The following SPRR2G variants were observed in gnomAD, a reference collection of about 807,000 sequenced individuals.
The protein encoded by SPRR2G is small proline rich protein 2G.
In SPRR2G, 1 loss-of-function variant was observed where a neutral mutation model predicts 0.7. The observed-to-expected ratio is 1.49, with a 90% CI of 0.53 to 7.06. The LOEUF is 7.06. SPRR2G is among the 30% of genes most tolerant of loss of function. SPRR2G has a pLI of 0.14. For synonymous variants in SPRR2G, 38 were observed against 33.9 expected (o/e 1.12, Z -0.42); for missense variants, 96 against 88.5 (o/e 1.09, Z -0.34).
chr1:153,156,989 C>T, the SPRR2G span, among the ~76,000 whole-genome samples: 1 of 152,128 alleles, frequency 6.6e-6, no homozygotes, highest in Non-Finnish European at 1.5e-5. Flanking sequence ...TACAGAGCTC[C>T]TCAATTTACA....
chr1:153,196,392 T>A, the SPRR2G span, among the ~76,000 whole-genome samples: 1 of 152,266 alleles, frequency 6.6e-6, no homozygotes, highest in East Asian at 1.9e-4. Context: ...AGGCAGAATT[T>A]CTTTCCTTTT....
the SPRR2G span, among the ~76,000 whole-genome samples, chr1:153,197,219 C>G: frequency 6.8e-6 from 1 of 148,042 alleles, no homozygotes. Context: ...CAAGATAAAC[C>G]CTAGCTGCAG....
chr1:153,160,064 T>A, the SPRR2G span, among the ~76,000 whole-genome samples: 5 of 152,230 alleles, frequency 3.3e-5, no homozygotes, highest in African/African-American at 4.8e-5. Context: ...ATTTTCTATT[T>A]CCTTCTACCC....
chr1:153,195,565 C>T, the SPRR2G span, among the ~76,000 whole-genome samples: 1 of 152,148 alleles, frequency 6.6e-6, no homozygotes, highest in Non-Finnish European at 1.5e-5. Context: ...CTGGGTTCCA[C>T]CATTTTGGGG....
the SPRR2G span, among the ~76,000 whole-genome samples, chr1:153,187,610 A>G: frequency 2.0e-5 from 3 of 151,992 alleles, no homozygotes; most frequent in African/African-American, 7.3e-5. Context: ...GTAGCCTTTT[A>G]TCAAGGTTCT....
the SPRR2G span, among the ~76,000 whole-genome samples, chr1:153,186,745 T>C: frequency 6.6e-6 from 1 of 152,238 alleles, no homozygotes; most frequent in African/African-American, 2.4e-5. Flanking sequence ...GTCATCATGA[T>C]GCTAGCTGGT....
At chr1:153,196,775 C>T in the SPRR2G span, among the ~76,000 whole-genome samples, 1 of 152,216 alleles carries the variant, frequency 6.6e-6, no homozygotes, top group Non-Finnish European at 1.5e-5. Context: ...TCGCTTTGTG[C>T]CCTGAGCCTG....
At chr1:153,199,928 A>G in the SPRR2G span, among the ~76,000 whole-genome samples, 2 of 152,232 alleles carry the variant, frequency 1.3e-5, no homozygotes, top group African/African-American at 2.4e-5. Flanking sequence ...CTTGTTCAAC[A>G]AGAATTACAC....
chr1:153,187,108 TTC>T, the SPRR2G span, among the ~76,000 whole-genome samples: 14 of 152,202 alleles, frequency 9.2e-5, no homozygotes, highest in Non-Finnish European at 2.1e-4. Flanking sequence ...AACCTGACCT[TTC>T]TCTCTGTCTG....
At chr1:153,162,171 C>T in the SPRR2G span, among the ~76,000 whole-genome samples, 8 of 152,278 alleles carry the variant, frequency 5.3e-5, 1 homozygote, top group African/African-American at 1.2e-4. Flanking sequence ...CCTCCTCCCT[C>T]GGATAGGCCC....
chr1:153,200,380 G>A, the SPRR2G span, among the ~76,000 whole-genome samples: 41 of 152,082 alleles, frequency 2.7e-4, no homozygotes, highest in Non-Finnish European at 2.9e-4. Context: ...AGAGAGAGAG[G>A]TTCAGCAAAC....
the SPRR2G span, among the ~76,000 whole-genome samples, chr1:153,198,159 G>C: frequency 6.6e-6 from 1 of 151,994 alleles, no homozygotes; most frequent in Non-Finnish European, 1.5e-5. Flanking sequence ...GGACTCGGCT[G>C]GCAGAGCAAA....
upstream of SPRR2G, among the ~76,000 whole-genome samples, chr1:153,152,975 T>C (rs974467542): frequency 1.3e-5 from 2 of 152,172 alleles, no homozygotes; most frequent in East Asian, 1.9e-4. Flanking sequence ...ACAGTTTTTT[T>C]ATAGAGAGAG....
chr1:153,169,608 C>T, the SPRR2G span, among the ~76,000 whole-genome samples: 1 of 151,310 alleles, frequency 6.6e-6, no homozygotes, highest in Non-Finnish European at 1.5e-5. Context: ...TCTGGCCAGT[C>T]AACAGAGGAT....
At chr1:153,201,917 C>A in the SPRR2G span, among the ~76,000 whole-genome samples, 1 of 152,232 alleles carries the variant, frequency 6.6e-6, no homozygotes, top group African/African-American at 2.4e-5. Context: ...GACTTAAACC[C>A]ATATTCTTTT....
the SPRR2G span, among the ~76,000 whole-genome samples, chr1:153,162,413 T>C: frequency 2.0e-5 from 3 of 152,214 alleles, no homozygotes; most frequent in Non-Finnish European, 4.4e-5. Flanking sequence ...CTCTGTTGAA[T>C]GGAGCAGGGA....
the SPRR2G span, among the ~76,000 whole-genome samples, chr1:153,156,310 A>G: frequency 1.3e-5 from 2 of 152,188 alleles, no homozygotes; most frequent in African/African-American, 4.8e-5. Flanking sequence ...ACCTATAGCA[A>G]TTGGAATTAC....
At chr1:153,161,777 A>C in the SPRR2G span, among the ~76,000 whole-genome samples, 2 of 152,260 alleles carry the variant, frequency 1.3e-5, no homozygotes, top group African/African-American at 4.8e-5. Context: ...AGATGGACAG[A>C]AATTACAAAG....
At chr1:153,198,779 T>G in the SPRR2G span, among the ~76,000 whole-genome samples, 5 of 152,286 alleles carry the variant, frequency 3.3e-5, no homozygotes, top group Middle Eastern at 3.4e-3. Context: ...GATGTTAGTA[T>G]TGGGACCTAA....
Sources: gnomAD v4.1 joint callset for allele counts (sites outside exome capture counted in the v4.1 genomes callset) on GRCh38, gnomAD v4.1.1 for gene constraint, MANE v1.5 for transcripts, NCBI Gene and HGNC (gene_info 2026-07-23, HGNC 2026-07-21) for gene names.